Variants in WWOX observed in about 807,000 individuals in gnomAD.
WWOX encodes WW domain containing oxidoreductase, also known as WW domain-containing oxidoreductase.
WWOX carries 69 observed loss-of-function variants against 46.2 expected under a neutral mutation model. The observed-to-expected ratio is 1.49, with a 90% CI of 1.23 to 1.82. The LOEUF is 1.82. Ranked by LOEUF, WWOX falls within the 40% of genes most tolerant of loss-of-function variation. The pLI is 0.00. For synonymous variants in WWOX, 359 were observed against 202.6 expected (o/e 1.77, Z -6.56); for missense variants, 919 against 542.6 (o/e 1.69, Z -6.89).
At chr16:78,198,407 A>C (rs547268312) in intron 5 of WWOX, among the ~76,000 whole-genome samples, 12 of 152,302 alleles carry the variant, frequency 7.9e-5, no homozygotes, top group African/African-American at 2.6e-4. Context: ...TATAGGAGAC[A>C]AACCATAGCA....
At chr16:78,713,490 C>T (rs2048491334) in intron 8 of WWOX, among the ~76,000 whole-genome samples, 1 of 151,972 alleles carries the variant, frequency 6.6e-6, no homozygotes, top group African/African-American at 2.4e-5. Flanking sequence ...CATAATGTTA[C>T]TCTATTTGGA....
chr16:78,147,983 C>G (rs2034266603), intron 4 of WWOX, among the ~76,000 whole-genome samples: 1 of 151,652 alleles, frequency 6.6e-6, no homozygotes, highest in Non-Finnish European at 1.5e-5. Flanking sequence ...GGCTGGCCTG[C>G]TTGCTCTAAA....
chr16:78,612,917 G>A (rs2548883), intron 8 of WWOX, among the ~76,000 whole-genome samples: 69,141 of 152,108 alleles, frequency 0.45, 16,860 homozygotes, highest in Middle Eastern at 0.58. Flanking sequence ...GTAAATTTTA[G>A]TATGTGTCTC....
chr16:78,357,053 G>A (rs1048268591), intron 5 of WWOX, among the ~76,000 whole-genome samples: 1 of 152,174 alleles, frequency 6.6e-6, no homozygotes, highest in Non-Finnish European at 1.5e-5. Context: ...TACAGGGATG[G>A]ATTTCTAGAA....
chr16:79,018,256 A>C (rs1039047867), intron 8 of WWOX, among the ~76,000 whole-genome samples: 10 of 152,216 alleles, frequency 6.6e-5, no homozygotes, highest in African/African-American at 2.4e-4. Context: ...ATGTAAAATC[A>C]GCAATCAGCC....
intron 6 of WWOX, among the ~76,000 whole-genome samples, chr16:78,400,919 G>A (rs2082397723): frequency 6.6e-6 from 1 of 152,210 alleles, no homozygotes; most frequent in South Asian, 2.1e-4. Context: ...AGCCACCAGG[G>A]TTCAAGTGAT....
chr16:78,236,302 C>T (rs766807179), intron 5 of WWOX, among the ~76,000 whole-genome samples: 3 of 152,214 alleles, frequency 2.0e-5, no homozygotes, highest in Non-Finnish European at 4.4e-5. Context: ...ATGCTAGTTT[C>T]CTGGCCTCCT....
chr16:78,837,939 C>G (rs6564607), intron 8 of WWOX, among the ~76,000 whole-genome samples: 70,884 of 152,006 alleles, frequency 0.47, 17,918 homozygotes, highest in Middle Eastern at 0.62. Context: ...CTCAAGGGCA[C>G]AGAAAGCTTG....
chr16:78,681,468 C>G (rs572445541), intron 8 of WWOX, among the ~76,000 whole-genome samples: 9 of 151,658 alleles, frequency 5.9e-5, no homozygotes, highest in Middle Eastern at 3.4e-3. Flanking sequence ...AGGAAACATC[C>G]TAGACACTTG....
intron 8 of WWOX, among the ~76,000 whole-genome samples, chr16:78,953,246 C>G (rs1255816696): frequency 2.7e-5 from 4 of 150,752 alleles, no homozygotes; most frequent in African/African-American, 9.8e-5. Context: ...TCTCCTTGGT[C>G]TATATAGGAT....
chr16:78,723,525 C>A (rs1200799116), intron 8 of WWOX, among the ~76,000 whole-genome samples: 1 of 151,964 alleles, frequency 6.6e-6, no homozygotes, highest in African/African-American at 2.4e-5. Context: ...TTCTTCTACT[C>A]CCACACTTCT....
In WWOX at chr16:78,432,770, G is replaced by C. The variant is rs761251857; in HGVS notation, c.1056+18G>C. ...AGTCCATGGTAAGAGAACAGCTTCT[G>C]GCGCCGCAAACACCTTGGGTCCTAG... On this transcript the variant is annotated intron_variant, in intron 8 of 8. Transcript: ENST00000566780. 12 of 1,614,052 alleles carry C rather than the reference G, an allele frequency of 7.4e-6. No individual in the cohort carries two copies. The South Asian group carries it at 1.2e-4, about 16-fold the overall frequency.
intron 8 of WWOX, among the ~76,000 whole-genome samples, chr16:78,924,926 G>C (rs914985985): frequency 1.3e-5 from 2 of 152,156 alleles, no homozygotes; most frequent in African/African-American, 4.8e-5. Flanking sequence ...CAGGCCTGGA[G>C]GTTCATGCTT....
At chr16:78,675,529 A>C (rs1428752530) in intron 8 of WWOX, among the ~76,000 whole-genome samples, 1 of 152,148 alleles carries the variant, frequency 6.6e-6, no homozygotes, top group African/African-American at 2.4e-5. Flanking sequence ...TAACCATTTC[A>C]CAAATATTTA....
chr16:78,497,978 G>A (rs1466067701), intron 8 of WWOX, among the ~76,000 whole-genome samples: 2 of 152,002 alleles, frequency 1.3e-5, no homozygotes, highest in South Asian at 2.1e-4. Flanking sequence ...CGAGGTGGGC[G>A]GATCACAAGA....
chr16:78,363,688 A>G (rs888250286), intron 5 of WWOX, among the ~76,000 whole-genome samples: 1 of 152,170 alleles, frequency 6.6e-6, no homozygotes, highest in East Asian at 1.9e-4. Context: ...AGGTTCTTCT[A>G]TTAACCTTCC....
At chr16:78,380,743 C>A (rs2081937466) in intron 5 of WWOX, among the ~76,000 whole-genome samples, 1 of 152,110 alleles carries the variant, frequency 6.6e-6, no homozygotes, top group South Asian at 2.1e-4. Flanking sequence ...TTATTACTCC[C>A]ACTTCACAGA....
chr16:78,914,488 T>A (rs1193620230), intron 8 of WWOX, among the ~76,000 whole-genome samples: 1 of 151,994 alleles, frequency 6.6e-6, no homozygotes, highest in Non-Finnish European at 1.5e-5. Context: ...TGCAGAAGAT[T>A]TCTTATGTGA....
chr16:78,353,111 C>G (rs1049081182), intron 5 of WWOX, among the ~76,000 whole-genome samples: 1 of 152,084 alleles, frequency 6.6e-6, no homozygotes, highest in Non-Finnish European at 1.5e-5. Context: ...TTCCTTTGAT[C>G]TTTCTATTTG....
Sources: allele counts gnomAD v4.1 joint callset (sites outside exome capture counted in the v4.1 genomes callset), GRCh38; gene constraint gnomAD v4.1.1; transcripts MANE v1.5; gene names NCBI Gene and HGNC (gene_info 2026-07-23, HGNC 2026-07-21).